The following DENND6B variants were observed in gnomAD, a reference collection of about 807,000 sequenced individuals.
The protein encoded by DENND6B is protein DENND6B.
DENND6B carries 73 observed loss-of-function variants against 85.1 expected under a neutral mutation model. The observed-to-expected ratio is 0.86, with a 90% CI of 0.71 to 1.04. DENND6B has a LOEUF of 1.04. Ranked by LOEUF, DENND6B falls within the 50% of genes least tolerant of loss-of-function variation. DENND6B has a pLI of 0.00. For synonymous variants in DENND6B, 357 were observed against 329.3 expected (o/e 1.08, Z -0.91); for missense variants, 715 against 785.8 (o/e 0.91, Z 1.08).
rs2068067009 is a variant in DENND6B at position 50,311,963 on chromosome 22, T to C, written c.*176A>G. 9.1e-7 allele frequency: 1 copy of C among 1,093,314 alleles called. No homozygotes were observed. Among genetic ancestry groups the C allele is most frequent in the Middle Eastern group, 3.1e-4 (1 of 3,244 alleles). The allele number at this position is 1,093,314 out of a possible 1,614,324, so 67.7% of individuals were successfully genotyped here. A position where few individuals can be genotyped will look rare whatever the true frequency, so the allele number is the denominator to read the frequency against. ...GGAACCCCTATGGTCAAGGCCATGCTGTGGTTCCAAATGTCGCCTTTACTG... is the reference window on the plus strand; with the variant it reads ...GGAACCCCTATGGTCAAGGCCATGCCGTGGTTCCAAATGTCGCCTTTACTG... On this transcript the variant is annotated 3_prime_UTR_variant, in exon 20 of 20. Coordinates refer to ENST00000413817, the MANE Select transcript of DENND6B (RefSeq NM_001001794.4).
intron 9 of DENND6B, 142 bp downstream of exon 9, chr22:50,315,572 A>AGT: frequency 3.3e-6 from 3 of 905,372 alleles, no homozygotes; most frequent in Non-Finnish European, 4.8e-6. Context: ...CGCTGGCCAT[A>AGT]CACACACACA....
intron 3 of DENND6B, 80 bp from the exon 4 acceptor site, chr22:50,318,100 AG>A: frequency 6.9e-7 from 1 of 1,456,164 alleles, no homozygotes. Context: ...CCGGGGAGCA[AG>A]GGCCCTGCGA....
intron 1 of DENND6B, among the ~76,000 whole-genome samples, chr22:50,324,255 C>T (rs1412794480): frequency 1.3e-5 from 2 of 152,296 alleles, no homozygotes; most frequent in South Asian, 2.1e-4. Flanking sequence ...GCGGGGGTAT[C>T]CTGTGAGGGC....
chr22:50,316,799 A>G (rs2041836446), intron 5 of DENND6B: 2 of 1,248,306 alleles, frequency 1.6e-6, no homozygotes, highest in South Asian at 1.4e-5. Flanking sequence ...TATGGCTTCC[A>G]GGCTGGGTTG....
In DENND6B at chr22:50,316,467, C is replaced by T. The variant is rs747283231; in HGVS notation, c.462G>A (p.Val154=). ...GGACAAAGGGCAAGCGGGACACCAG[C>T]ACCAAAGACTGCAGGGCCACGGGGC... is the stretch of plus-strand genomic sequence containing the variant. The part of the protein sequence containing the change: ...VKRGYFQKSL[V]LVSRLPFVRL... The change falls in exon 6 of 20, where the codon GTG becomes GTA. Residue 154 remains valine, a synonymous_variant. Transcript: ENST00000413817. The T allele has an allele frequency of 2.7e-5, 43 of 1,579,408 alleles. No homozygotes were observed. Among genetic ancestry groups the T allele is most frequent in the Non-Finnish European group, 3.5e-5 (41 of 1,164,474 alleles).
At chr22:50,315,979 G>C (rs762143788) in intron 8 of DENND6B, 46 bp downstream of exon 8, 4 of 1,611,502 alleles carry the variant, frequency 2.5e-6, no homozygotes, top group Admixed American at 3.3e-5. Context: ...GGACTCAATC[G>C]GGTGAAGCCC....
At chr22:50,316,857 G>T in intron 5 of DENND6B, 1 of 793,504 alleles carries the variant, frequency 1.3e-6, no homozygotes, top group Non-Finnish European at 1.7e-6. Flanking sequence ...GTGAGGGGCA[G>T]CAGTGTCCTG....
At chr22:50,322,828 G>GCATGAGCCA in intron 1 of DENND6B, among the ~76,000 whole-genome samples, 1 of 150,964 alleles carries the variant, frequency 6.6e-6, no homozygotes, top group Non-Finnish European at 1.5e-5. Context: ...TGGGATACAG[G>GCATGAGCCA]CATGAGCCAC....
At chr22:50,316,153 C>A in intron 7 of DENND6B, 21 bp downstream of exon 7, 1 of 1,612,558 alleles carries the variant, frequency 6.2e-7, no homozygotes, top group Non-Finnish European at 8.5e-7. Flanking sequence ...AGAGCCTACT[C>A]CCCAGCCAGC....
At chr22:50,326,091 A>G (rs1158972770) in intron 1 of DENND6B, among the ~76,000 whole-genome samples, 1 of 152,240 alleles carries the variant, frequency 6.6e-6, no homozygotes, top group Non-Finnish European at 1.5e-5. Context: ...CACAGGACAC[A>G]GAGAAGATCA....
intron 1 of DENND6B, among the ~76,000 whole-genome samples, chr22:50,320,049 A>C (rs914037965): frequency 6.6e-6 from 1 of 152,110 alleles, no homozygotes; most frequent in African/African-American, 2.4e-5. Context: ...GGGCCCTGCA[A>C]TGTCTCCTGG....
chr22:50,323,048 T>C lies in DENND6B; in HGVS notation c.177+3764A>G, dbSNP rs559995659. 1.0e-4 allele frequency among the ~76,000 whole-genome samples: 14 copies of C among 134,240 alleles called. No individual in the cohort carries two copies. The South Asian group carries it at 3.1e-3, about 30-fold the overall frequency. 88.1% of individuals were successfully genotyped at this position (134,240 alleles called of 152,430 possible). A position where few individuals can be genotyped will look rare whatever the true frequency, so the allele number is the denominator to read the frequency against. ...TTTTTTTTTTTTTTTTTTTTTTTTT[T>C]AGTAGAGACGGGGTTTCACTGTGTT... On this transcript the variant is annotated intron_variant, in intron 1 of 19. Transcript: ENST00000413817.
rs529096203 is a variant in DENND6B at position 50,314,929 on chromosome 22, C to T, written c.759-8G>A. 77 of 1,607,550 alleles carry T rather than the reference C, an allele frequency of 4.8e-5. 1 individual carries two copies. The South Asian group carries it at 5.7e-4, about 12-fold the overall frequency. On this transcript the variant is annotated splice_polypyrimidine_tract_variant and splice_region_variant and intron_variant, in intron 9 of 19. Coordinates refer to ENST00000413817, the MANE Select transcript of DENND6B (RefSeq NM_001001794.4). ...AGCACAGGCCGGAAGCACCTGGGGC[C>T]GGGCAGGAAGGTCGGGGAGGTCAGG...
Position 50,325,614 on chromosome 22 carries a change from C to G in DENND6B, c.177+1198G>C, listed in dbSNP as rs189723941. Among the ~76,000 whole-genome samples the G allele has an allele frequency of 4.3e-3, 653 of 152,256 alleles. 4 individuals are homozygous for G. The highest frequency in any genetic ancestry group is 0.015 in the African/African-American group (617 of 41,558). Reference sequence around the variant, plus strand: ...CCTCTCAAAGTGCTGGGATTACAGGCATGAGTCACCGCGTCCGGCCAGGAA... The same window carrying G: ...CCTCTCAAAGTGCTGGGATTACAGGGATGAGTCACCGCGTCCGGCCAGGAA... On this transcript the variant is annotated intron_variant, in intron 1 of 19. Coordinates refer to ENST00000413817, the MANE Select transcript of DENND6B (RefSeq NM_001001794.4).
intron 13 of DENND6B, 79 bp from the exon 14 acceptor site, chr22:50,313,957 G>C: frequency 6.8e-7 from 1 of 1,480,402 alleles, no homozygotes; most frequent in Non-Finnish European, 9.0e-7. Context: ...GAGGAGCCAG[G>C]GTGGGGGTCT....
chr22:50,313,379 C>T (rs1419312047), intron 16 of DENND6B, 67 bp downstream of exon 16: 5 of 1,517,674 alleles, frequency 3.3e-6, no homozygotes, highest in Non-Finnish European at 4.4e-6. Context: ...TCCAGACCTT[C>T]CCTCCTCCGG....
rs768544990 is a variant in DENND6B at position 50,313,848 on chromosome 22, T to C, written c.1169A>G (p.His390Arg). 13 of 1,611,654 alleles carry C rather than the reference T, an allele frequency of 8.1e-6. No homozygotes were observed. The highest frequency in any genetic ancestry group is 1.1e-5 in the Non-Finnish European group (13 of 1,179,634). The part of the protein sequence containing the change: ...GLYTAYTAHL[H>R]RDKALLKRLL... ...CCGTTTGAGCAGCGCCTTGTCGCGG[T>C]GGAGGTGGGCCGTGTAAGCGGTGTA... The change falls in exon 14 of 20, where the codon CAC (histidine) becomes CGC (arginine). Residue 390 changes from histidine (H) to arginine (R), a missense_variant. Transcript: ENST00000413817.
Position 50,318,885 on chromosome 22 carries a change from C to T in DENND6B, c.221G>A (p.Ser74Asn), listed in dbSNP as rs2147782664. 6.2e-7 allele frequency: 1 copy of T among 1,613,190 alleles called. No individual in the cohort carries two copies. Among genetic ancestry groups the T allele is most frequent in the Non-Finnish European group, 8.5e-7 (1 of 1,179,670 alleles). ...NDFRLTDKEK[S>N]SICYLSFPDS... ...GGGAAAAGACAGGTAGCAGATGCTGCTTTTCTGAAACATATAAAACCCCGG... is the reference window on the plus strand; with the variant it reads ...GGGAAAAGACAGGTAGCAGATGCTGTTTTTCTGAAACATATAAAACCCCGG... The change falls in exon 3 of 20, where the codon AGC becomes AAC. Residue 74 changes from serine (S) to asparagine (N), a missense_variant. Coordinates refer to ENST00000413817, the MANE Select transcript of DENND6B (RefSeq NM_001001794.4).
At chr22:50,312,901 C>G (rs1601804160) in intron 17 of DENND6B, 98 bp downstream of exon 17, 1 of 845,964 alleles carries the variant, frequency 1.2e-6, no homozygotes, top group African/African-American at 2.2e-5. Flanking sequence ...AGGCGGGGGG[C>G]CATGGGGATG....
Sources: allele counts gnomAD v4.1 joint callset (sites outside exome capture counted in the v4.1 genomes callset), GRCh38; gene constraint gnomAD v4.1.1; transcripts MANE v1.5; gene names NCBI Gene and HGNC (gene_info 2026-07-23, HGNC 2026-07-21).